FRMD6: variants seen among roughly 807,000 people sequenced by gnomAD.
FRMD6 encodes the protein FERM domain containing 6, also known as FERM domain-containing protein 6.
A neutral mutation model predicts 73.2 loss-of-function variants in FRMD6; 37 were observed. That is an observed-to-expected ratio of 0.51 (90% CI 0.39 to 0.66). FRMD6 has a LOEUF of 0.66. Ranked by LOEUF, FRMD6 falls within the 30% of genes least tolerant of loss-of-function variation. FRMD6 has a pLI of 0.00. For missense variants in FRMD6, 714 were observed against 780.5 expected, an observed-to-expected ratio of 0.91 and a Z score of 1.02; for synonymous variants, 273 against 282.2, an observed-to-expected ratio of 0.97 and a Z score of 0.33.
intron 1 of FRMD6, among the ~76,000 whole-genome samples, chr14:51,498,505 C>A (rs1449123376): frequency 6.6e-6 from 1 of 152,172 alleles, no homozygotes; most frequent in Non-Finnish European, 1.5e-5. Flanking sequence ...CCATGGGTTG[C>A]CTGTCTAGCT....
chr14:51,581,363 A>C (rs1488575857), intron 2 of FRMD6, among the ~76,000 whole-genome samples: 1 of 152,230 alleles, frequency 6.6e-6, no homozygotes, highest in Non-Finnish European at 1.5e-5. Flanking sequence ...GAAGTGACCA[A>C]GATGAGTAAG....
intron 2 of FRMD6, among the ~76,000 whole-genome samples, chr14:51,642,975 A>G (rs59299669): frequency 0.023 from 3,500 of 152,294 alleles, 126 homozygotes; most frequent in African/African-American, 0.078. Flanking sequence ...GGAGAAAGAT[A>G]CGGAAAAATC....
chr14:51,419,650 T>A, the FRMD6 span, among the ~76,000 whole-genome samples: 1 of 152,228 alleles, frequency 6.6e-6, no homozygotes, highest in Admixed American at 6.5e-5. Flanking sequence ...GTCCCAAGAT[T>A]TAATTTCCTT....
intron 2 of FRMD6, among the ~76,000 whole-genome samples, chr14:51,623,432 G>A (rs891926013): frequency 2.6e-5 from 4 of 152,120 alleles, no homozygotes; most frequent in Non-Finnish European, 5.9e-5. Flanking sequence ...CTAGACCTCT[G>A]GTTGGTCACT....
At chr14:51,498,135 T>C (rs1883408132) in intron 1 of FRMD6, among the ~76,000 whole-genome samples, 1 of 152,270 alleles carries the variant, frequency 6.6e-6, no homozygotes, top group Admixed American at 6.5e-5. Context: ...GTCTTTCTTC[T>C]ATACCTTATC....
Position 51,544,364 on chromosome 14 carries a change from A to T in FRMD6, c.-209-25984A>T, listed in dbSNP as rs537346219. Among the ~76,000 whole-genome samples the T allele has an allele frequency of 2.0e-5, 3 of 152,134 alleles. No homozygotes were observed. In the South Asian group the frequency reaches 6.2e-4, roughly 32 times the overall value. Reference sequence around the variant, plus strand: ...TTGGTAAGGGATGCAGGAGTGATTGAGTTTCTTAAAAACTAAAATCGTTCT... The same window carrying T: ...TTGGTAAGGGATGCAGGAGTGATTGTGTTTCTTAAAAACTAAAATCGTTCT... On this transcript the variant is annotated intron_variant, in intron 1 of 14. Coordinates refer to the FRMD6 transcript ENST00000356218.
At chr14:51,714,198 C>T (rs768242856) in intron 9 of FRMD6, 3 of 152,182 alleles carry the variant, frequency 2.0e-5, no homozygotes, top group Non-Finnish European at 4.4e-5. Context: ...CCTCCCTAGA[C>T]TTGCTTTGAG....
intron 1 of FRMD6, among the ~76,000 whole-genome samples, chr14:51,532,527 ACCT>A (rs1358715645): frequency 5.9e-5 from 9 of 152,188 alleles, no homozygotes; most frequent in Non-Finnish European, 1.2e-4. Flanking sequence ...GGTCCATGAT[ACCT>A]CACTGATCAC....
intron 12 of FRMD6, 83 bp downstream of exon 12, chr14:51,722,163 T>A: frequency 6.7e-7 from 1 of 1,494,234 alleles, no homozygotes; most frequent in Non-Finnish European, 9.2e-7. Flanking sequence ...ATAGAAGGGG[T>A]GAGCTGGGGG....
At chr14:51,509,663 G>C (rs1884182143) in intron 1 of FRMD6, among the ~76,000 whole-genome samples, 1 of 152,120 alleles carries the variant, frequency 6.6e-6, no homozygotes, top group Non-Finnish European at 1.5e-5. Context: ...GTCTCACTCT[G>C]TCTCCCAGGC....
At chr14:51,596,792 T>C (rs1889741086) in intron 2 of FRMD6, among the ~76,000 whole-genome samples, 1 of 152,094 alleles carries the variant, frequency 6.6e-6, no homozygotes, top group South Asian at 2.1e-4. Context: ...AATGATAGTG[T>C]AGAGACTCAA....
chr14:51,455,855 C>T, the FRMD6 span, among the ~76,000 whole-genome samples: 1 of 152,252 alleles, frequency 6.6e-6, no homozygotes, highest in South Asian at 2.1e-4. Flanking sequence ...CCTCTAAAAG[C>T]CAGATAGATG....
chr14:51,521,783 A>G (rs1049148708), intron 1 of FRMD6, among the ~76,000 whole-genome samples: 2 of 151,978 alleles, frequency 1.3e-5, no homozygotes, highest in Non-Finnish European at 2.9e-5. Flanking sequence ...GGCTTAATAC[A>G]TATTGTGGAA....
At chr14:51,668,651 T>G (rs1047675207) in intron 1 of FRMD6, among the ~76,000 whole-genome samples, 14 of 149,756 alleles carry the variant, frequency 9.3e-5, no homozygotes, top group Admixed American at 7.4e-4. Flanking sequence ...GCTGTGAAGC[T>G]CGAATGAAAT....
At chr14:51,665,138 A>C (rs1893486791) in intron 1 of FRMD6, among the ~76,000 whole-genome samples, 1 of 152,208 alleles carries the variant, frequency 6.6e-6, no homozygotes, top group Non-Finnish European at 1.5e-5. Context: ...GCCAACATTT[A>C]AAAATAGAGA....
the FRMD6 span, among the ~76,000 whole-genome samples, chr14:51,471,065 T>C: frequency 2.0e-5 from 3 of 152,240 alleles, no homozygotes; most frequent in Non-Finnish European, 2.9e-5. Context: ...GGTTTTTCTA[T>C]GAATTGCTTA....
intron 1 of FRMD6, among the ~76,000 whole-genome samples, chr14:51,555,867 G>T (rs1488229484): frequency 6.6e-6 from 1 of 151,700 alleles, no homozygotes; most frequent in Non-Finnish European, 1.5e-5. Flanking sequence ...AAATACTACT[G>T]TTGAAGTTGC....
At chr14:51,679,426 C>T (rs1894642074) in intron 1 of FRMD6, among the ~76,000 whole-genome samples, 1 of 150,744 alleles carries the variant, frequency 6.6e-6, no homozygotes, top group African/African-American at 2.4e-5. Context: ...ACAAATAATA[C>T]AGAGAGAGCA....
At chr14:51,717,396 C>G (rs1897295903) in intron 10 of FRMD6, 1 of 152,108 alleles carries the variant, frequency 6.6e-6, no homozygotes, top group Non-Finnish European at 1.5e-5. Context: ...ATAATGAACC[C>G]ACTACTGCAA....
Sources: gnomAD v4.1 joint callset for allele counts (sites outside exome capture counted in the v4.1 genomes callset) on GRCh38, gnomAD v4.1.1 for gene constraint, MANE v1.5 for transcripts, NCBI Gene and HGNC (gene_info 2026-07-23, HGNC 2026-07-21) for gene names.